Variants in YJU2B observed in about 807,000 individuals in gnomAD.
YJU2B encodes YJU2 splicing factor homolog B.
Under a neutral mutation model 38.0 loss-of-function variants are expected in YJU2B, and 18 were observed. The observed-to-expected ratio is 0.47, with a 90% CI of 0.33 to 0.70. YJU2B has a LOEUF of 0.70. YJU2B is among the 30% of genes least tolerant of loss of function. The pLI, the probability that YJU2B is intolerant of heterozygous loss-of-function variation, is 0.02. For synonymous variants in YJU2B, 246 were observed against 225.4 expected (o/e 1.09, Z -0.82); for missense variants, 538 against 556.3 (o/e 0.97, Z 0.33).
chr19:13,759,627 A>AT (rs1211611919), intron 8 of YJU2B: 35 of 154,838 alleles, frequency 2.3e-4, no homozygotes, highest in East Asian at 1.6e-3. Context: ...ATAGAAATTA[A>AT]TTTTTTTTTT....
intron 2 of YJU2B, among the ~76,000 whole-genome samples, chr19:13,740,697 C>T (rs555203799): frequency 1.9e-4 from 29 of 152,086 alleles, no homozygotes; most frequent in African/African-American, 5.8e-4. Context: ...CCACCACGCC[C>T]GGCTAATCTT....
At chr19:13,738,880 A>C (rs1224232940) in intron 2 of YJU2B, among the ~76,000 whole-genome samples, 2 of 147,438 alleles carry the variant, frequency 1.4e-5, no homozygotes, top group South Asian at 4.4e-4. Flanking sequence ...ATGACAGAGC[A>C]AGACTCTGTC....
At chr19:13,757,747 T>C in intron 5 of YJU2B, 39 bp from the exon 6 acceptor site, 1 of 1,603,046 alleles carries the variant, frequency 6.2e-7, no homozygotes, top group Admixed American at 1.7e-5. Context: ...AAAATTCAGA[T>C]GGCAATGAAA....
intron 2 of YJU2B, among the ~76,000 whole-genome samples, chr19:13,733,907 T>C (rs893061780): frequency 1.3e-5 from 2 of 152,160 alleles, no homozygotes; most frequent in Admixed American, 1.3e-4. Flanking sequence ...ATTTGAATTC[T>C]TTATTTTATT....
At chr19:13,757,330 A>C in intron 4 of YJU2B, 88 bp from the exon 5 acceptor site, 1 of 1,131,574 alleles carries the variant, frequency 8.8e-7, no homozygotes, top group South Asian at 1.3e-5. Context: ...CACCCCTCAA[A>C]TCACAACCGC....
intron 2 of YJU2B, among the ~76,000 whole-genome samples, chr19:13,740,660 C>A (rs1239563730): frequency 1.3e-5 from 2 of 152,142 alleles, no homozygotes; most frequent in Non-Finnish European, 2.9e-5. Flanking sequence ...CCTCAGCCTC[C>A]CGAATAGCTG....
Position 13,756,199 on chromosome 19 carries a change from T to A in YJU2B, c.60T>A (p.His20Gln). The change falls in exon 4 of 10, where the codon CAT becomes CAA. Residue 20 changes from histidine (H) to glutamine (Q), a missense_variant and splice_region_variant. Coordinates refer to ENST00000221554, the MANE Select transcript of YJU2B (RefSeq NM_030818.4). ...YYPPDFNPEK[H>Q]GSLNRYHNSH... ...CGCTCCTCATCCTCTCCACACAGCA[T>A]GGCTCTCTCAACCGATACCACAACA... 6.2e-7 allele frequency: 1 copy of A among 1,613,926 alleles called. No homozygotes were observed. Among genetic ancestry groups the A allele is most frequent in the Non-Finnish European group, 8.5e-7 (1 of 1,179,872 alleles).
chr19:13,760,049 C>T (rs1416222231), intron 8 of YJU2B, among the ~76,000 whole-genome samples: 1 of 152,050 alleles, frequency 6.6e-6, no homozygotes, highest in Non-Finnish European at 1.5e-5. Flanking sequence ...GCCTCGGCCT[C>T]CTAAAGTGCT....
chr19:13,762,523 G>T, intron 9 of YJU2B, 67 bp from the exon 10 acceptor site: 2 of 1,564,138 alleles, frequency 1.3e-6, no homozygotes, highest in Non-Finnish European at 1.7e-6. Flanking sequence ...GTGGACTCTG[G>T]TCTACCAGAG....
chr19:13,757,659 C>A, intron 5 of YJU2B, 127 bp from the exon 6 acceptor site: 1 of 1,136,096 alleles, frequency 8.8e-7, no homozygotes, highest in Non-Finnish European at 1.3e-6. Context: ...GCTTCCAATC[C>A]CGTCTCTAAC....
At position 13,763,047 on chromosome 19, in the gene YJU2B, C is replaced by T; in HGVS notation, c.1170C>T (p.Tyr390=). The T allele has an allele frequency of 6.4e-7, 1 of 1,564,406 alleles. No homozygotes were observed. The highest frequency in any genetic ancestry group is 8.7e-7 in the Non-Finnish European group (1 of 1,154,422). The change falls in exon 10 of 10, where the codon TAC becomes TAT. Residue 390 remains tyrosine, a synonymous_variant. Transcript: ENST00000221554. The part of the protein sequence containing the change: ...CSLGSSLVAD[Y]SDSESE ...TCGGCTCCTCCCTCGTGGCGGACTACTCCGACTCGGAGAGTGAGTGAGCGA... is the reference window on the plus strand; with the variant it reads ...TCGGCTCCTCCCTCGTGGCGGACTATTCCGACTCGGAGAGTGAGTGAGCGA...
At chr19:13,737,026 CAA>C (rs61619895) in intron 2 of YJU2B, among the ~76,000 whole-genome samples, 4 of 117,990 alleles carry the variant, frequency 3.4e-5, no homozygotes, top group Admixed American at 9.2e-5. Context: ...GACTCATTCT[CAA>C]AAAAAAAAAA....
At position 13,762,733 on chromosome 19, in the gene YJU2B, TC is replaced by T; in HGVS notation, c.861del (p.Ile288SerfsTer121). 1 of 1,608,060 alleles carries T rather than the reference TC, an allele frequency of 6.2e-7. No individual in the cohort carries two copies. On this transcript the variant is annotated frameshift_variant, in exon 10 of 10. Coordinates refer to ENST00000221554, the MANE Select transcript of YJU2B (RefSeq NM_030818.4). LOFTEE classifies it low-confidence loss of function (END_TRUNC). Reference sequence around the variant, plus strand: ...GAGCCGCAGAACCGCGCTTGCCACCTCCCCCATCACCGTCGGGGACCTGGGC... The same window carrying T: ...GAGCCGCAGAACCGCGCTTGCCACCTCCCCATCACCGTCGGGGACCTGGGC... The part of the protein sequence containing the change: ...AQSRRTALAT[S>X]PITVGDLGIV...
chr19:13,735,466 G>A (rs1972918366), intron 2 of YJU2B, among the ~76,000 whole-genome samples: 1 of 151,940 alleles, frequency 6.6e-6, no homozygotes, highest in Non-Finnish European at 1.5e-5. Flanking sequence ...GATTCTGACA[G>A]GATGCTCCCT....
Position 13,757,491 on chromosome 19 carries a change from C to T in YJU2B, c.196+18C>T. 6.2e-7 allele frequency: 1 copy of T among 1,609,650 alleles called. No individual in the cohort carries two copies. On this transcript the variant is annotated intron_variant, in intron 5 of 9. Coordinates refer to ENST00000221554, the MANE Select transcript of YJU2B (RefSeq NM_030818.4). Reference sequence around the variant, plus strand: ...CGGCATGGGTGAGCCTCTGCCCACCCTCCATTCAGTCCTGCAAACATCAGA... The same window carrying T: ...CGGCATGGGTGAGCCTCTGCCCACCTTCCATTCAGTCCTGCAAACATCAGA...
intron 1 of YJU2B, among the ~76,000 whole-genome samples, chr19:13,750,879 AAGC>A (rs1973435889): frequency 6.6e-6 from 1 of 150,898 alleles, no homozygotes; most frequent in South Asian, 2.1e-4. Context: ...AAAAAAAAAA[AAGC>A]CTGTAACAAA....
chr19:13,747,681 C>T (rs1260732843), upstream of YJU2B: 1 of 152,448 alleles, frequency 6.6e-6, no homozygotes, highest in Non-Finnish European at 1.5e-5. Context: ...AGGGCGGTGC[C>T]AGGAGGCGGG....
intron 7 of YJU2B, 38 bp from the exon 8 acceptor site, chr19:13,759,062 G>A: frequency 6.2e-7 from 1 of 1,612,434 alleles, no homozygotes; most frequent in Non-Finnish European, 8.5e-7. Context: ...AGTCTGCGCT[G>A]GGGCCCCCAA....
chr19:13,760,096 T>G (rs1214915368), intron 8 of YJU2B, among the ~76,000 whole-genome samples: 3 of 151,944 alleles, frequency 2.0e-5, no homozygotes, highest in Non-Finnish European at 4.4e-5. Context: ...CTGGCCAATT[T>G]GTGTATTTTT....
Sources: gnomAD v4.1 joint callset for allele counts (sites outside exome capture counted in the v4.1 genomes callset) on GRCh38, gnomAD v4.1.1 for gene constraint, MANE v1.5 for transcripts, NCBI Gene and HGNC (gene_info 2026-07-23, HGNC 2026-07-21) for gene names.